The following AOAH variants were observed in gnomAD, a reference collection of about 807,000 sequenced individuals.
AOAH encodes acyloxyacyl hydrolase (neutrophil).
Under a neutral mutation model 92.2 loss-of-function variants are expected in AOAH, and 64 were observed. The ratio of observed to expected loss-of-function variants is 0.69; its 90% CI spans 0.57 to 0.86. The LOEUF (loss-of-function observed/expected upper bound fraction) is 0.86, where lower values mean the gene tolerates loss of function less well. Ranked by LOEUF, AOAH falls within the 40% of genes least tolerant of loss-of-function variation. The probability of loss-of-function intolerance (pLI) is 0.00; values close to 1 mark genes in which losing one functional copy is unlikely to be tolerated. For synonymous variants in AOAH, 263 were observed against 254.5 expected (o/e 1.03, Z -0.32); for missense variants, 656 against 694.6 (o/e 0.94, Z 0.62).
intron 1 of AOAH, among the ~76,000 whole-genome samples, chr7:36,693,036 C>T (rs1360348033): frequency 6.6e-6 from 1 of 151,940 alleles, no homozygotes; most frequent in Non-Finnish European, 1.5e-5. Flanking sequence ...TTGGCCAAGG[C>T]TAAAATTCAG....
rs1423406640 is a variant in AOAH at position 36,516,851 on chromosome 7, G to C, written c.1600-3471C>G. On this transcript the variant is annotated intron_variant, in intron 20 of 20. Coordinates refer to ENST00000617537, the MANE Select transcript of AOAH (RefSeq NM_001637.4). The surrounding 1 kb of genome is among the most constrained non-coding windows in gnomAD (Gnocchi z 5.0). ...AGGGCAAGAAGAGGGAAACGAAAAT[G>C]AAAGAGCTCAGATATGAGCATTTGG... Among the ~76,000 whole-genome samples, 1 of 152,224 alleles carries C rather than the reference G, an allele frequency of 6.6e-6. No homozygotes were observed. Among genetic ancestry groups the C allele is most frequent in the Non-Finnish European group, 1.5e-5 (1 of 68,038 alleles).
chr7:36,722,408 A>C (rs936582609), intron 1 of AOAH, among the ~76,000 whole-genome samples: 1 of 152,182 alleles, frequency 6.6e-6, no homozygotes, highest in Non-Finnish European at 1.5e-5. Flanking sequence ...TCAAACATTT[A>C]GTTTGCAATG....
chr7:36,576,667 T>C lies in AOAH; in HGVS notation c.939-11A>G. 1 of 1,361,424 alleles carries C rather than the reference T, an allele frequency of 7.3e-7. No individual in the cohort carries two copies. The allele number at this position is 1,361,424 out of a possible 1,614,324, so 84.3% of individuals were successfully genotyped here. A position where few individuals can be genotyped will look rare whatever the true frequency, so the allele number is the denominator to read the frequency against. On this transcript the variant is annotated splice_polypyrimidine_tract_variant and intron_variant, in intron 12 of 20. Coordinates refer to ENST00000617537, the MANE Select transcript of AOAH (RefSeq NM_001637.4). ...GATTTTTCTTTAATTCTGAAACAAA[T>C]ATATATGTATATATTTAAGGTCAGG...
chr7:36,556,139 C>G (rs1786688570), intron 13 of AOAH, among the ~76,000 whole-genome samples: 1 of 152,076 alleles, frequency 6.6e-6, no homozygotes, highest in Admixed American at 6.5e-5. Flanking sequence ...AAATTTCCCT[C>G]TACACACTGC....
intron 1 of AOAH, among the ~76,000 whole-genome samples, chr7:36,714,652 G>T: frequency 6.6e-6 from 1 of 152,146 alleles, no homozygotes; most frequent in East Asian, 1.9e-4. Flanking sequence ...CTTCATCCCT[G>T]GGATGCAAGG....
rs188465200 is a variant in AOAH, at chr7:36,575,326, A to G, written c.1021+1248T>C. Among the ~76,000 whole-genome samples the G allele has an allele frequency of 1.4e-3, 211 of 152,278 alleles. 3 individuals are homozygous for G. The highest frequency in any genetic ancestry group is 2.8e-4 in the Non-Finnish European group (19 of 68,028). On this transcript the variant is annotated intron_variant, in intron 13 of 20. Coordinates refer to ENST00000617537, the MANE Select transcript of AOAH (RefSeq NM_001637.4). ...CGTGGGTAGAAGTGTCTCCTCTGTA[A>G]CTTACTATCTGTGTGGCTGAGGAAG...
chr7:36,656,601 G>T (rs919096675), intron 4 of AOAH, among the ~76,000 whole-genome samples: 2 of 151,974 alleles, frequency 1.3e-5, no homozygotes, highest in Non-Finnish European at 2.9e-5. Flanking sequence ...GTTTATATGG[G>T]GGAGAGAGAC....
intron 3 of AOAH, among the ~76,000 whole-genome samples, chr7:36,667,695 G>T (rs1305749564): frequency 6.6e-6 from 1 of 152,136 alleles, no homozygotes; most frequent in African/African-American, 2.4e-5. Context: ...ATTTATCCTT[G>T]CAGTTCCATC....
chr7:36,524,725 A>G (rs1269061186), intron 19 of AOAH, among the ~76,000 whole-genome samples: 1 of 150,950 alleles, frequency 6.6e-6, no homozygotes, highest in Non-Finnish European at 1.5e-5. Context: ...TGCACCCCAG[A>G]GGGCTCGCTC....
intron 19 of AOAH, among the ~76,000 whole-genome samples, chr7:36,529,194 G>A (rs1216875096): frequency 1.3e-5 from 2 of 151,606 alleles, no homozygotes; most frequent in Non-Finnish European, 2.9e-5. Flanking sequence ...CAGTCCCAGA[G>A]ATAATAAATG....
Position 36,608,907 on chromosome 7 carries a change from GGGA to G in AOAH, c.846+7470_846+7472del, listed in dbSNP as rs796811362. Among the ~76,000 whole-genome samples the G allele has an allele frequency of 5.1e-3, 579 of 113,046 alleles. 6 individuals carry two copies. Among genetic ancestry groups the G allele is most frequent in the African/African-American group, 0.013 (304 of 22,680 alleles). 74.2% of individuals were successfully genotyped at this position (113,046 alleles called of 152,430 possible). A position where few individuals can be genotyped will look rare whatever the true frequency, so the allele number is the denominator to read the frequency against. The stretch of plus-strand genomic sequence containing the variant: ...ATTAATATTAGGAGCTGTTGCGGCG[GGGA>G]GGGGGGGGGGTCTGGTACAAAGAGA... On this transcript the variant is annotated intron_variant, in intron 11 of 20. Coordinates refer to ENST00000617537, the MANE Select transcript of AOAH (RefSeq NM_001637.4).
intron 3 of AOAH, among the ~76,000 whole-genome samples, chr7:36,669,574 G>T (rs569831727): frequency 6.6e-6 from 1 of 151,574 alleles, no homozygotes; most frequent in Non-Finnish European, 1.5e-5. Context: ...GTAAAGATGG[G>T]GTTTCACCAT....
chr7:36,576,555 TA>T lies in AOAH; in HGVS notation c.1021+18del. On this transcript the variant is annotated intron_variant, in intron 13 of 20. Coordinates refer to ENST00000617537, the MANE Select transcript of AOAH (RefSeq NM_001637.4). The stretch of plus-strand genomic sequence containing the variant: ...CATTACAGGAACATTGATGAAGGCT[TA>T]AATGGAAAGTTACGTACCATTTCTT... The T allele has an allele frequency of 6.9e-7, 1 of 1,452,864 alleles. No homozygotes were observed. The highest frequency in any genetic ancestry group is 9.5e-7 in the Non-Finnish European group (1 of 1,057,642). 90.0% of individuals were successfully genotyped at this position (1,452,864 alleles called of 1,614,324 possible).
intron 13 of AOAH, among the ~76,000 whole-genome samples, chr7:36,571,409 A>G (rs1788139541): frequency 6.6e-6 from 1 of 152,152 alleles, no homozygotes; most frequent in African/African-American, 2.4e-5. Context: ...TCAATCAGCC[A>G]AGGCTGCTCT....
chr7:36,540,282 A>T (rs769990632), intron 16 of AOAH, 37 bp downstream of exon 16: 1 of 1,544,280 alleles, frequency 6.5e-7, no homozygotes, highest in East Asian at 2.3e-5. Flanking sequence ...ATATACATTG[A>T]TGTTATTAAA....
At chr7:36,631,013 T>C (rs1793037257) in intron 6 of AOAH, among the ~76,000 whole-genome samples, 1 of 152,172 alleles carries the variant, frequency 6.6e-6, no homozygotes, top group South Asian at 2.1e-4. Flanking sequence ...ACAGCGCCCA[T>C]AAACCTGATA....
chr7:36,600,416 G>A (rs1374427100), intron 11 of AOAH, among the ~76,000 whole-genome samples: 5 of 152,190 alleles, frequency 3.3e-5, no homozygotes, highest in Non-Finnish European at 7.3e-5. Flanking sequence ...GGCCCCTGGA[G>A]GACTTCTGTG....
At chr7:36,684,937 AAAGAAGAAGAAG>A (rs1250019607) in intron 2 of AOAH, among the ~76,000 whole-genome samples, 6 of 53,168 alleles carry the variant, frequency 1.1e-4, no homozygotes, top group Admixed American at 2.9e-4. Flanking sequence ...AAAAAAAAAA[AAAGAAGAAGAAG>A]AAGAAGAAGA....
chr7:36,644,325 G>A (rs963587098), intron 4 of AOAH, among the ~76,000 whole-genome samples: 2 of 152,034 alleles, frequency 1.3e-5, no homozygotes, highest in Non-Finnish European at 2.9e-5. Context: ...GATGTTAAAC[G>A]GTGTGCTTTT....
Sources: allele counts gnomAD v4.1 joint callset (sites outside exome capture counted in the v4.1 genomes callset), GRCh38; gene constraint gnomAD v4.1.1; non-coding constraint Gnocchi (gnomAD v3.1); transcripts MANE v1.5; gene names NCBI Gene and HGNC (gene_info 2026-07-23, HGNC 2026-07-21).